CCSER1: variants seen among roughly 807,000 people sequenced by gnomAD.
CCSER1 encodes coiled-coil serine rich protein 1.
Under a neutral mutation model 82.0 loss-of-function variants are expected in CCSER1, and 41 were observed. The ratio of observed to expected loss-of-function variants is 0.50; its 90% CI spans 0.39 to 0.65. The LOEUF (loss-of-function observed/expected upper bound fraction) is 0.65, where lower values mean the gene tolerates loss of function less well. Ranked by LOEUF, CCSER1 falls within the 30% of genes least tolerant of loss-of-function variation. The pLI is 0.00. For missense variants in CCSER1, 1,119 were observed against 1,064.2 expected (o/e 1.05, Z -0.72); for synonymous variants, 414 against 383.9 (o/e 1.08, Z -0.92).
At chr4:90,526,117 G>C (rs1773725588) in intron 5 of CCSER1, among the ~76,000 whole-genome samples, 1 of 151,864 alleles carries the variant, frequency 6.6e-6, no homozygotes, top group African/African-American at 2.4e-5. Flanking sequence ...CTTAAAAATT[G>C]AGAAGGTATA....
At chr4:90,538,769 A>C (rs1775739407) in intron 5 of CCSER1, among the ~76,000 whole-genome samples, 1 of 152,058 alleles carries the variant, frequency 6.6e-6, no homozygotes, top group East Asian at 1.9e-4. Context: ...GATTGTCTCC[A>C]CGAGAGTTAA....
chr4:91,026,272 G>A (rs1476529768), intron 9 of CCSER1, among the ~76,000 whole-genome samples: 1 of 151,996 alleles, frequency 6.6e-6, no homozygotes, highest in African/African-American at 2.4e-5. Flanking sequence ...CTGTTTCTCT[G>A]TAGTTGTCCT....
At chr4:90,891,179 A>G (rs1722911032) in intron 8 of CCSER1, among the ~76,000 whole-genome samples, 1 of 151,810 alleles carries the variant, frequency 6.6e-6, no homozygotes, top group Admixed American at 6.6e-5. Context: ...TCAAACTAAA[A>G]TAAATAAAAA....
intron 1 of CCSER1, among the ~76,000 whole-genome samples, chr4:90,139,852 T>G (rs971963153): frequency 2.0e-5 from 3 of 151,948 alleles, no homozygotes; most frequent in African/African-American, 7.3e-5. Flanking sequence ...CTCAGCTACT[T>G]GGGAGGCTGA....
In CCSER1 at chr4:90,773,865, TACTC is replaced by T. The variant is rs200307078; in HGVS notation, c.2011-41895_2011-41892del. On this transcript the variant is annotated intron_variant, in intron 7 of 10. Coordinates refer to ENST00000509176, the MANE Select transcript of CCSER1 (RefSeq NM_001145065.2). ...AAGAAATTTAAATATTGAAAGAACA[TACTC>T]AAAAAAGGAGACGTTAGATCGGGTA... Among the ~76,000 whole-genome samples, 4 of 152,194 alleles carry T rather than the reference TACTC, an allele frequency of 2.6e-5. No individual in the cohort carries two copies. The East Asian group carries it at 5.8e-4, about 22-fold the overall frequency.
intron 8 of CCSER1, among the ~76,000 whole-genome samples, chr4:90,852,540 C>G (rs1764005408): frequency 6.6e-6 from 1 of 152,188 alleles, no homozygotes; most frequent in South Asian, 2.1e-4. Flanking sequence ...AGAGAAGCTG[C>G]TCACATTGCA....
intron 4 of CCSER1, among the ~76,000 whole-genome samples, chr4:90,402,900 T>C (rs1753095442): frequency 6.6e-6 from 1 of 152,214 alleles, no homozygotes; most frequent in South Asian, 2.1e-4. Context: ...GTAGGTTGCT[T>C]AGTTAAAGCT....
intron 10 of CCSER1, among the ~76,000 whole-genome samples, chr4:91,144,241 T>A (rs1729325579): frequency 1.3e-5 from 2 of 152,120 alleles, no homozygotes; most frequent in South Asian, 4.1e-4. Context: ...ATTTTCTAGT[T>A]GATGTGCATA....
intron 10 of CCSER1, among the ~76,000 whole-genome samples, chr4:91,126,732 C>A (rs1727550467): frequency 6.6e-6 from 1 of 151,890 alleles, no homozygotes; most frequent in South Asian, 2.1e-4. Context: ...AAAGCTTAGT[C>A]AATTGAGGTA....
At chr4:91,319,116 G>C (rs1441481463) in intron 10 of CCSER1, 4 of 274,578 alleles carry the variant, frequency 1.5e-5, no homozygotes, top group African/African-American at 9.4e-5. Context: ...GACGGTATCA[G>C]CTTCTGGATA....
chr4:91,013,117 G>T (rs1739132810), intron 9 of CCSER1, among the ~76,000 whole-genome samples: 1 of 134,220 alleles, frequency 7.5e-6, no homozygotes, highest in South Asian at 2.4e-4. Flanking sequence ...GACTGTATTT[G>T]TCAAGGGAAC....
intron 1 of CCSER1, among the ~76,000 whole-genome samples, chr4:90,180,965 T>C (rs1733625209): frequency 6.6e-6 from 1 of 152,200 alleles, no homozygotes; most frequent in African/African-American, 2.4e-5. Context: ...TTTAGACTCT[T>C]TCTGTCTCAA....
At chr4:90,610,200 C>T (rs916121807) in intron 5 of CCSER1, among the ~76,000 whole-genome samples, 1 of 151,620 alleles carries the variant, frequency 6.6e-6, no homozygotes, top group African/African-American at 2.4e-5. Context: ...TTGCAGTGAG[C>T]CAAGATTGCG....
At chr4:90,712,061 G>A (rs1196098708) in intron 6 of CCSER1, among the ~76,000 whole-genome samples, 1 of 148,034 alleles carries the variant, frequency 6.8e-6, no homozygotes, top group Non-Finnish European at 1.5e-5. Context: ...TCTAGCTAGT[G>A]GTCTATCTAT....
intron 9 of CCSER1, among the ~76,000 whole-genome samples, chr4:90,937,163 G>A (rs1359959168): frequency 6.6e-6 from 1 of 152,114 alleles, no homozygotes; most frequent in Non-Finnish European, 1.5e-5. Flanking sequence ...ATGACATTAA[G>A]AGAAACCACG....
intron 10 of CCSER1, among the ~76,000 whole-genome samples, chr4:91,102,061 A>G (rs1162503576): frequency 6.6e-6 from 1 of 152,200 alleles, no homozygotes; most frequent in African/African-American, 2.4e-5. Flanking sequence ...CCTCAGAGAA[A>G]CATGTTTCAG....
chr4:91,157,385 G>A (rs981422814), intron 10 of CCSER1, among the ~76,000 whole-genome samples: 4 of 151,942 alleles, frequency 2.6e-5, no homozygotes, highest in Admixed American at 1.3e-4. Flanking sequence ...TTTCAGATGA[G>A]TAAGACAGCC....
chr4:90,128,446 T>C (rs1485111448), intron 1 of CCSER1, among the ~76,000 whole-genome samples: 1 of 152,092 alleles, frequency 6.6e-6, no homozygotes, highest in Non-Finnish European at 1.5e-5. Context: ...GCGACTTAGA[T>C]TGAACCACTT....
At chr4:91,353,956 C>T (rs1161498856) in intron 10 of CCSER1, among the ~76,000 whole-genome samples, 1 of 152,086 alleles carries the variant, frequency 6.6e-6, no homozygotes, top group Non-Finnish European at 1.5e-5. Context: ...AACTACTTCC[C>T]CTCATCATCT....
Sources: gnomAD v4.1 joint callset for allele counts (sites outside exome capture counted in the v4.1 genomes callset) on GRCh38, gnomAD v4.1.1 for gene constraint, MANE v1.5 for transcripts, NCBI Gene and HGNC (gene_info 2026-07-23, HGNC 2026-07-21) for gene names.